Variants in BMAL2 observed in about 807,000 individuals in gnomAD.
BMAL2 encodes the protein basic helix-loop-helix ARNT like 2, also known as basic helix-loop-helix ARNT-like protein 2.
At chr12:27,338,983 A>G in the BMAL2 span, among the ~76,000 whole-genome samples, 1 of 152,122 alleles carries the variant, frequency 6.6e-6, no homozygotes, top group African/African-American at 2.4e-5. Context: ...TTTAAGTTCA[A>G]GGGTATATGT....
At chr12:27,390,395 A>T in the BMAL2 span, 1 of 769,594 alleles carries the variant, frequency 1.3e-6, no homozygotes. Flanking sequence ...AATTACTTAC[A>T]TTTGTTCATC....
At chr12:27,384,976 T>A in the BMAL2 span, among the ~76,000 whole-genome samples, 1 of 152,152 alleles carries the variant, frequency 6.6e-6, no homozygotes, top group African/African-American at 2.4e-5. Context: ...TTCCAAGAAT[T>A]CACAATCTAA....
the BMAL2 span, among the ~76,000 whole-genome samples, chr12:27,391,856 C>T: frequency 1.3e-5 from 2 of 152,162 alleles, no homozygotes; most frequent in South Asian, 2.1e-4. Flanking sequence ...TCTGTTGCTT[C>T]CCTCTTGCCC....
the BMAL2 span, among the ~76,000 whole-genome samples, chr12:27,391,279 G>T: frequency 5.3e-5 from 8 of 152,122 alleles, no homozygotes; most frequent in African/African-American, 1.7e-4. Context: ...ACTTATAAGT[G>T]GGAACATGTG....
chr12:27,380,516 T>C, the BMAL2 span: 1 of 1,189,156 alleles, frequency 8.4e-7, no homozygotes. Context: ...AGATGTGTCT[T>C]TCAGCTTTAG....
the BMAL2 span, among the ~76,000 whole-genome samples, chr12:27,397,074 G>A: frequency 1.6e-4 from 23 of 146,190 alleles, no homozygotes; most frequent in African/African-American, 3.4e-4. Flanking sequence ...TTGTTTGTTT[G>A]TTTATTTATT....
chr12:27,356,387 C>T, the BMAL2 span, among the ~76,000 whole-genome samples: 1 of 152,278 alleles, frequency 6.6e-6, no homozygotes. Context: ...GGAGATAAAG[C>T]TCAGACCCCT....
the BMAL2 span, among the ~76,000 whole-genome samples, chr12:27,392,456 C>T: frequency 2.5e-4 from 37 of 148,104 alleles, no homozygotes; most frequent in African/African-American, 9.2e-4. Context: ...TTAGTCATAC[C>T]ATAGCGACCA....
the BMAL2 span, among the ~76,000 whole-genome samples, chr12:27,396,424 C>G: frequency 6.6e-6 from 1 of 152,216 alleles, no homozygotes; most frequent in Non-Finnish European, 1.5e-5. Flanking sequence ...GAGGAAACTG[C>G]ACTTTTAGAA....
At chr12:27,401,689 A>G in the BMAL2 span, 3 of 1,545,630 alleles carry the variant, frequency 1.9e-6, no homozygotes, top group South Asian at 1.2e-5. Flanking sequence ...GTAATTTTTT[A>G]TGTTAAGACC....
chr12:27,390,946 G>T, the BMAL2 span, among the ~76,000 whole-genome samples: 1 of 152,122 alleles, frequency 6.6e-6, no homozygotes, highest in Non-Finnish European at 1.5e-5. Flanking sequence ...TTAAGTTTTG[G>T]TCGGAATCTT....
At chr12:27,378,872 A>G in the BMAL2 span, among the ~76,000 whole-genome samples, 2 of 152,172 alleles carry the variant, frequency 1.3e-5, no homozygotes, top group African/African-American at 2.4e-5. Flanking sequence ...TTTAAGATCT[A>G]GAATTGACAG....
chr12:27,338,065 A>G, the BMAL2 span, among the ~76,000 whole-genome samples: 2 of 152,174 alleles, frequency 1.3e-5, no homozygotes, highest in Admixed American at 6.5e-5. Flanking sequence ...GTTCTTACTC[A>G]GCTTTATAAT....
the BMAL2 span, among the ~76,000 whole-genome samples, chr12:27,410,984 G>A: frequency 1.3e-5 from 2 of 151,842 alleles, no homozygotes; most frequent in Non-Finnish European, 2.9e-5. Flanking sequence ...GATTTCATAC[G>A]GTAAAATAGA....
chr12:27,377,007 A>AC, the BMAL2 span, among the ~76,000 whole-genome samples: 52 of 149,026 alleles, frequency 3.5e-4, no homozygotes, highest in African/African-American at 1.3e-3. Flanking sequence ...TCTCAAAAAA[A>AC]AAAAAAAAAA....
At chr12:27,363,040 C>G in the BMAL2 span, among the ~76,000 whole-genome samples, 1 of 152,080 alleles carries the variant, frequency 6.6e-6, no homozygotes, top group Non-Finnish European at 1.5e-5. Context: ...TCTGGCCTTA[C>G]GTGATCCTCT....
the BMAL2 span, chr12:27,368,316 TG>T: frequency 6.2e-7 from 1 of 1,614,162 alleles, no homozygotes; most frequent in African/African-American, 1.3e-5. Context: ...TCCAGCCGCG[TG>T]AGTCCAGGGA....
At chr12:27,350,818 T>A in the BMAL2 span, among the ~76,000 whole-genome samples, 1 of 151,946 alleles carries the variant, frequency 6.6e-6, no homozygotes, top group Admixed American at 6.6e-5. Flanking sequence ...TCGCTGGGAT[T>A]ACAGGCGCCC....
At chr12:27,334,497 G>A in the BMAL2 span, among the ~76,000 whole-genome samples, 1 of 152,164 alleles carries the variant, frequency 6.6e-6, no homozygotes, top group South Asian at 2.1e-4. Context: ...TTGTGAAATT[G>A]GTGAGTGCTG....
Sources: gnomAD v4.1 joint callset for allele counts (sites outside exome capture counted in the v4.1 genomes callset) on GRCh38, gnomAD v4.1.1 for gene constraint, MANE v1.5 for transcripts, NCBI Gene and HGNC (gene_info 2026-07-23, HGNC 2026-07-21) for gene names.